The following C1orf52 variants were observed in gnomAD, a reference collection of about 807,000 sequenced individuals.
C1orf52 encodes UPF0690 protein C1orf52.
In C1orf52, 5 loss-of-function variants were observed where a neutral mutation model predicts 17.2. The ratio of observed to expected loss-of-function variants is 0.29; its 90% CI spans 0.15 to 0.61. The LOEUF (loss-of-function observed/expected upper bound fraction) is 0.61, where lower values mean the gene tolerates loss of function less well. C1orf52 is among the 20% of genes least tolerant of loss of function. The probability of loss-of-function intolerance (pLI) is 0.85; values close to 1 mark genes in which losing one functional copy is unlikely to be tolerated. For synonymous variants in C1orf52, 110 were observed against 88.0 expected, an observed-to-expected ratio of 1.25 and a Z score of -1.40; for missense variants, 245 against 234.1, an observed-to-expected ratio of 1.05 and a Z score of -0.30.
At position 85,251,029 on chromosome 1, in the gene C1orf52, T is replaced by G. The variant is rs1659789130; in HGVS notation, c.*1600A>C. On this transcript the variant is annotated 3_prime_UTR_variant, in exon 3 of 3. Coordinates refer to ENST00000471115, the MANE Select transcript of C1orf52 (RefSeq NM_198077.4). ...CTCGATGATATACTGGAAGCCATCA[T>G]GCTGTTATGGACCTTCATTCCACAA... is the stretch of plus-strand genomic sequence containing the variant. 6.6e-6 allele frequency: 1 copy of G among 152,256 alleles called. No individual in the cohort carries two copies. The highest frequency in any genetic ancestry group is 1.5e-5 in the Non-Finnish European group (1 of 68,042). 9.4% of individuals were successfully genotyped at this position (152,256 alleles called of 1,614,324 possible).
chr1:85,258,049 G>A (rs1171685199), intron 2 of C1orf52, among the ~76,000 whole-genome samples: 1 of 151,932 alleles, frequency 6.6e-6, no homozygotes, highest in African/African-American at 2.4e-5. Context: ...AACCTGGGAG[G>A]TGGAGGTTCG....
At position 85,252,631 on chromosome 1, in the gene C1orf52, A is replaced by G. The variant is rs1423592035; in HGVS notation, c.547T>C (p.Ter183GlnextTer67). The part of the protein sequence containing the change: ...EPGEPAKKKK[*>Q] ...ACAGAAATTCTGGTCATTTGTTTCT[A>G]CTTTTTCTTCTTTGCTGGTTCTCCT... The change falls in exon 3 of 3, where the codon TAG (stop) becomes CAG (glutamine). Residue 183 changes from the stop codon to glutamine (Q), a stop_lost. Transcript: ENST00000471115. 1 of 1,612,908 alleles carries G rather than the reference A, an allele frequency of 6.2e-7. No homozygotes were observed. Among genetic ancestry groups the G allele is most frequent in the East Asian group, 2.2e-5 (1 of 44,746 alleles).
chr1:85,252,959 T>C (rs1280637392), intron 2 of C1orf52, among the ~76,000 whole-genome samples: 1 of 152,204 alleles, frequency 6.6e-6, no homozygotes, highest in African/African-American at 2.4e-5. Flanking sequence ...CTAAGGTAGC[T>C]TAAAATAAGT....
intron 2 of C1orf52, among the ~76,000 whole-genome samples, chr1:85,256,672 A>G (rs1391861536): frequency 2.0e-5 from 3 of 151,980 alleles, no homozygotes; most frequent in East Asian, 1.9e-4. Context: ...GATGGCAGGC[A>G]CCTGCAGTCC....
rs755067792 is a variant in C1orf52 at position 85,258,596 on chromosome 1, T to TGTCCTCATATATGTTA, written c.387_402dup (p.Asn135Ter). On this transcript the variant is annotated stop_gained and frameshift_variant, in exon 2 of 3. Transcript: ENST00000471115. LOFTEE classifies it high-confidence loss of function. ...GCATTCTGTGGAGCATCATCACCATTGTCCTCATATATGTTAGACCATTTT... is the reference window on the plus strand; with the variant it reads ...GCATTCTGTGGAGCATCATCACCATTGTCCTCATATATGTTAGTCCTCATATATGTTAGACCATTTT... 4 of 1,614,094 alleles carry TGTCCTCATATATGTTA rather than the reference T, an allele frequency of 2.5e-6. No homozygotes were observed.
chr1:85,258,800 C>T, intron 1 of C1orf52, 78 bp from the exon 2 acceptor site: 2 of 1,427,218 alleles, frequency 1.4e-6, no homozygotes, highest in Non-Finnish European at 1.9e-6. Flanking sequence ...CAACTCCCTG[C>T]CGTTCGCTTA....
chr1:85,252,509 T>A lies in C1orf52; in HGVS notation c.*120A>T. 1 of 750,456 alleles carries A rather than the reference T, an allele frequency of 1.3e-6. No homozygotes were observed. The highest frequency in any genetic ancestry group is 2.8e-5 in the Admixed American group (1 of 36,230). The allele number at this position is 750,456 out of a possible 1,614,324, so 46.5% of individuals were successfully genotyped here. A position where few individuals can be genotyped will look rare whatever the true frequency, so the allele number is the denominator to read the frequency against. On this transcript the variant is annotated 3_prime_UTR_variant, in exon 3 of 3. Coordinates refer to ENST00000471115, the MANE Select transcript of C1orf52 (RefSeq NM_198077.4). The stretch of plus-strand genomic sequence containing the variant: ...GGAAAGTTCTTGAGGCAATACTTAT[T>A]AGTTCATTAACGTATGCATTTTCAT...
At chr1:85,253,501 TCCCATCCCCGCCCTC>T (rs1659851524) in intron 2 of C1orf52, among the ~76,000 whole-genome samples, 1 of 152,104 alleles carries the variant, frequency 6.6e-6, no homozygotes, top group Non-Finnish European at 1.5e-5. Flanking sequence ...AAGTTCTAAT[TCCCATCCCCGCCCTC>T]CCCATCCCCA....
intron 1 of C1orf52, chr1:85,259,139 G>T: frequency 8.1e-7 from 1 of 1,230,202 alleles, no homozygotes; most frequent in South Asian, 1.7e-5. Context: ...CGGAGGTTTG[G>T]GTCTCCTCAC....
At chr1:85,258,781 G>A in intron 1 of C1orf52, 59 bp from the exon 2 acceptor site, 1 of 1,474,688 alleles carries the variant, frequency 6.8e-7, no homozygotes. Context: ...CGATGGACGT[G>A]GGCACATGCA....
rs761922742 is a variant in C1orf52, at chr1:85,259,534, T to C, written c.100A>G (p.Thr34Ala). The change falls in exon 1 of 3, where the codon ACG (threonine) becomes GCG (alanine). Residue 34 changes from threonine (T) to alanine (A), a missense_variant. Coordinates refer to ENST00000471115, the MANE Select transcript of C1orf52 (RefSeq NM_198077.4). ...GCCGGATCCGGGGTTCTGCGACTCGTCTCCTCCGGCTCGATGTTATCCTCC... is the reference window on the plus strand; with the variant it reads ...GCCGGATCCGGGGTTCTGCGACTCGCCTCCTCCGGCTCGATGTTATCCTCC... ...DEEDNIEPEE[T>A]SRRTPDPAKS... is the part of the protein sequence containing the mutation. The C allele has an allele frequency of 6.2e-7, 1 of 1,613,818 alleles. No individual in the cohort carries two copies. The highest frequency in any genetic ancestry group is 1.7e-5 in the Admixed American group (1 of 59,996).
chr1:85,251,656 T>A lies in C1orf52; in HGVS notation c.*973A>T, dbSNP rs1659805381. Reference sequence around the variant, plus strand: ...ACATTTTTTGTATATGTCCTGAATATTAAATATACTAAAACATTATTTATC... The same window carrying A: ...ACATTTTTTGTATATGTCCTGAATAATAAATATACTAAAACATTATTTATC... On this transcript the variant is annotated 3_prime_UTR_variant, in exon 3 of 3. Coordinates refer to ENST00000471115, the MANE Select transcript of C1orf52 (RefSeq NM_198077.4). 6.6e-6 allele frequency: 1 copy of A among 152,190 alleles called. No homozygotes were observed. 9.4% of individuals were successfully genotyped at this position (152,190 alleles called of 1,614,324 possible).
chr1:85,251,356 GTTC>G lies in C1orf52; in HGVS notation c.*1270_*1272del, dbSNP rs1347198212. On this transcript the variant is annotated 3_prime_UTR_variant, in exon 3 of 3. Coordinates refer to ENST00000471115, the MANE Select transcript of C1orf52 (RefSeq NM_198077.4). ...ATAAGCCACCATGCTTGGCTGTCTT[GTTC>G]TTATACACTGAATGTGCACTGTTCT... 1 of 152,114 alleles carries G rather than the reference GTTC, an allele frequency of 6.6e-6. No individual in the cohort carries two copies. Among genetic ancestry groups the G allele is most frequent in the Non-Finnish European group, 1.5e-5 (1 of 68,030 alleles). 9.4% of individuals were successfully genotyped at this position (152,114 alleles called of 1,614,324 possible).
In C1orf52 at chr1:85,258,401, C is replaced by T. The variant is rs1659998856; in HGVS notation, c.475+123G>A. ...TCTCAAAAGCAGAGCAGTAAGTATCCAAAGACCATCAAATTAGTTTGTCAA... is the reference window on the plus strand; with the variant it reads ...TCTCAAAAGCAGAGCAGTAAGTATCTAAAGACCATCAAATTAGTTTGTCAA... On this transcript the variant is annotated intron_variant, in intron 2 of 2. Transcript: ENST00000471115. The T allele has an allele frequency of 4.2e-6, 4 of 960,156 alleles. No individual in the cohort carries two copies. In the South Asian group the frequency reaches 4.8e-5, roughly 12 times the overall value. 59.5% of individuals were successfully genotyped at this position (960,156 alleles called of 1,614,324 possible).
chr1:85,253,604 G>C (rs1335776954), intron 2 of C1orf52, among the ~76,000 whole-genome samples: 2 of 152,146 alleles, frequency 1.3e-5, no homozygotes, highest in Non-Finnish European at 2.9e-5. Flanking sequence ...AGAATTTGGA[G>C]AGGGGAGGGA....
rs1279139552 is a variant in C1orf52, at chr1:85,252,434, G to A, written c.*195C>T. 5 of 502,024 alleles carry A rather than the reference G, an allele frequency of 1.0e-5. No individual in the cohort carries two copies. The African/African-American group carries it at 1.0e-4, about 10-fold the overall frequency. The allele number at this position is 502,024 out of a possible 1,614,324, so 31.1% of individuals were successfully genotyped here. ...TCAATTTCACAATCACAAGTCACCA[G>A]TTGAGTTTTAAATACATACATGTTT... On this transcript the variant is annotated 3_prime_UTR_variant, in exon 3 of 3. Transcript: ENST00000471115.
intron 2 of C1orf52, among the ~76,000 whole-genome samples, chr1:85,253,002 A>G (rs978915234): frequency 1.3e-5 from 2 of 152,186 alleles, no homozygotes; most frequent in Non-Finnish European, 2.9e-5. Context: ...ACTTTTGAAA[A>G]AGGCTCCCAA....
chr1:85,258,327 TAGCTG>T (rs913508600), intron 2 of C1orf52, among the ~76,000 whole-genome samples, 192 bp downstream of exon 2: 5 of 152,234 alleles, frequency 3.3e-5, no homozygotes, highest in Non-Finnish European at 5.9e-5. Flanking sequence ...CAACTACTAC[TAGCTG>T]AGCTATCAGA....
intron 1 of C1orf52, 96 bp downstream of exon 1, chr1:85,259,262 G>C: frequency 6.9e-7 from 1 of 1,439,618 alleles, no homozygotes; most frequent in Non-Finnish European, 9.4e-7. Flanking sequence ...GGGTGACTGC[G>C]TGTGGGGGGA....
Sources: allele counts gnomAD v4.1 joint callset (sites outside exome capture counted in the v4.1 genomes callset), GRCh38; gene constraint gnomAD v4.1.1; transcripts MANE v1.5; gene names NCBI Gene and HGNC (gene_info 2026-07-23, HGNC 2026-07-21).